RNF150: variants seen among roughly 807,000 people sequenced by gnomAD.
RNF150 encodes ring finger protein 150.
RNF150 carries 24 observed loss-of-function variants against 39.3 expected under a neutral mutation model. The ratio of observed to expected loss-of-function variants is 0.61; its 90% CI spans 0.44 to 0.86. The LOEUF is 0.86. Ranked by LOEUF, RNF150 falls within the 40% of genes least tolerant of loss-of-function variation. The probability of loss-of-function intolerance (pLI) is 0.00; values close to 1 mark genes in which losing one functional copy is unlikely to be tolerated. For missense variants in RNF150, 502 were observed against 587.8 expected, an observed-to-expected ratio of 0.85 and a Z score of 1.51; for synonymous variants, 255 against 227.3, an observed-to-expected ratio of 1.12 and a Z score of -1.10.
At chr4:141,090,155 G>A (rs961782103) in intron 1 of RNF150, among the ~76,000 whole-genome samples, 3 of 152,172 alleles carry the variant, frequency 2.0e-5, no homozygotes, top group African/African-American at 7.2e-5. Flanking sequence ...GCAGCCCCTA[G>A]AATGTGCCTT....
At chr4:141,067,586 G>A (rs1737511631) in intron 1 of RNF150, among the ~76,000 whole-genome samples, 1 of 152,114 alleles carries the variant, frequency 6.6e-6, no homozygotes, top group Admixed American at 6.6e-5. Flanking sequence ...AACATTTAGG[G>A]CATATCATCT....
intron 2 of RNF150, among the ~76,000 whole-genome samples, chr4:140,958,250 G>T (rs1732861338): frequency 6.6e-6 from 1 of 152,032 alleles, no homozygotes; most frequent in African/African-American, 2.4e-5. Flanking sequence ...TAGGAGGGGG[G>T]TGCTGGACCA....
intron 3 of RNF150, among the ~76,000 whole-genome samples, chr4:140,948,643 T>C (rs1732419651): frequency 6.6e-6 from 1 of 152,226 alleles, no homozygotes; most frequent in Admixed American, 6.5e-5. Context: ...CTTTCTACAT[T>C]GCCCAGGCTG....
chr4:141,014,274 C>T (rs1193134331), intron 1 of RNF150, among the ~76,000 whole-genome samples: 2 of 152,140 alleles, frequency 1.3e-5, no homozygotes, highest in Non-Finnish European at 2.9e-5. Context: ...CATATCTTGA[C>T]TATTTGTGAA....
intron 1 of RNF150, among the ~76,000 whole-genome samples, chr4:141,165,109 C>T (rs1163402168): frequency 6.6e-6 from 1 of 152,138 alleles, no homozygotes; most frequent in African/African-American, 2.4e-5. Context: ...TAATAGTTAC[C>T]AAGCAAACGG....
At chr4:140,951,726 A>G (rs543713321) in intron 2 of RNF150, among the ~76,000 whole-genome samples, 2 of 152,282 alleles carry the variant, frequency 1.3e-5, no homozygotes, top group South Asian at 4.1e-4. Context: ...CCCCGGGGCA[A>G]GGACTGAAAG....
intron 6 of RNF150, among the ~76,000 whole-genome samples, chr4:140,883,593 T>C (rs980171368): frequency 4.6e-5 from 7 of 152,164 alleles, no homozygotes; most frequent in Non-Finnish European, 8.8e-5. Context: ...GTACTTTAAA[T>C]ATATCATCTC....
intron 1 of RNF150, among the ~76,000 whole-genome samples, chr4:140,990,986 C>T (rs1734178226): frequency 6.6e-6 from 1 of 152,202 alleles, no homozygotes; most frequent in African/African-American, 2.4e-5. Context: ...TCTGCAACCT[C>T]ACCAGCATCT....
At chr4:141,084,919 G>T (rs1738301263) in intron 1 of RNF150, among the ~76,000 whole-genome samples, 1 of 152,126 alleles carries the variant, frequency 6.6e-6, no homozygotes, top group African/African-American at 2.4e-5. Flanking sequence ...GCAGAACTTT[G>T]TGACTTCCTT....
At chr4:141,008,620 T>C (rs1300709851) in intron 1 of RNF150, among the ~76,000 whole-genome samples, 1 of 152,226 alleles carries the variant, frequency 6.6e-6, no homozygotes, top group Non-Finnish European at 1.5e-5. Flanking sequence ...TTGTTCCACA[T>C]GAATATATAA....
At chr4:141,029,936 C>T (rs543400197) in intron 1 of RNF150, among the ~76,000 whole-genome samples, 3 of 152,232 alleles carry the variant, frequency 2.0e-5, no homozygotes, top group African/African-American at 7.2e-5. Flanking sequence ...GTGGCTCACG[C>T]CTGTAATCTC....
chr4:140,866,496 C>T lies in RNF150; in HGVS notation c.*1765G>A, dbSNP rs577070936. 71 of 152,276 alleles carry T rather than the reference C, an allele frequency of 4.7e-4. No individual in the cohort carries two copies. Among genetic ancestry groups the T allele is most frequent in the African/African-American group, 1.6e-3 (68 of 41,534 alleles). 9.4% of individuals were successfully genotyped at this position (152,276 alleles called of 1,614,324 possible). A position where few individuals can be genotyped will look rare whatever the true frequency, so the allele number is the denominator to read the frequency against. Reference sequence around the variant, plus strand: ...GCATTGGACTCCTAGGGAGATGCAACCTTTCTGAGGGTAATAATCATCTGC... The same window carrying T: ...GCATTGGACTCCTAGGGAGATGCAATCTTTCTGAGGGTAATAATCATCTGC... On this transcript the variant is annotated 3_prime_UTR_variant, in exon 7 of 7. Transcript: ENST00000515673.
chr4:141,129,611 T>C (rs1726841197), intron 1 of RNF150, among the ~76,000 whole-genome samples: 1 of 152,222 alleles, frequency 6.6e-6, no homozygotes, highest in South Asian at 2.1e-4. Context: ...CTGCAGAGTA[T>C]GTTTATATTT....
At chr4:141,062,878 T>C (rs751457381) in intron 1 of RNF150, among the ~76,000 whole-genome samples, 2 of 152,146 alleles carry the variant, frequency 1.3e-5, no homozygotes, top group African/African-American at 4.8e-5. Flanking sequence ...CCCATCCTCA[T>C]GGTCATGTGC....
chr4:141,142,423 C>T lies in RNF150; in HGVS notation c.-6+70371G>A, dbSNP rs1013780912. ...TCCCTGTTAACTGGAATAGTCCTGT[C>T]GGCACACAGACAGGCTCTAGTCTCA... On this transcript the variant is annotated intron_variant, in intron 1 of 7. Coordinates refer to the RNF150 transcript ENST00000420921. 2.0e-5 allele frequency among the ~76,000 whole-genome samples: 3 copies of T among 152,180 alleles called. No individual in the cohort carries two copies. The East Asian group carries it at 5.8e-4, about 29-fold the overall frequency.
At chr4:141,005,788 G>A (rs1295124882) in intron 1 of RNF150, among the ~76,000 whole-genome samples, 1 of 130,074 alleles carries the variant, frequency 7.7e-6, no homozygotes, top group Admixed American at 7.6e-5. Flanking sequence ...TTTTAAAAGG[G>A]CCGGGCGCGG....
chr4:141,013,458 C>T (rs776598108), intron 1 of RNF150, among the ~76,000 whole-genome samples: 2 of 152,022 alleles, frequency 1.3e-5, no homozygotes, highest in African/African-American at 2.4e-5. Flanking sequence ...AATAACTTGC[C>T]CAAGGTCACA....
Position 140,862,327 on chromosome 4 carries a change from A to C in RNF150, c.*5934T>G, listed in dbSNP as rs1560935570. ...TGGCTCTGTATTAAGTGCAAACGTCAGTGGTAGCACAGAATTAGAAGATCT... is the reference window on the plus strand; with the variant it reads ...TGGCTCTGTATTAAGTGCAAACGTCCGTGGTAGCACAGAATTAGAAGATCT... On this transcript the variant is annotated 3_prime_UTR_variant, in exon 7 of 7. Coordinates refer to ENST00000515673, the MANE Select transcript of RNF150 (RefSeq NM_020724.2). The C allele has an allele frequency of 6.6e-6, 1 of 152,224 alleles. No homozygotes were observed. The highest frequency in any genetic ancestry group is 1.5e-5 in the Non-Finnish European group (1 of 68,044). The allele number at this position is 152,224 out of a possible 1,614,324, so 9.4% of individuals were successfully genotyped here. A position where few individuals can be genotyped will look rare whatever the true frequency, so the allele number is the denominator to read the frequency against.
At chr4:141,027,000 G>A (rs1735722045) in intron 1 of RNF150, among the ~76,000 whole-genome samples, 1 of 152,156 alleles carries the variant, frequency 6.6e-6, no homozygotes, top group African/African-American at 2.4e-5. Context: ...GCTGCCACTC[G>A]CTAAACCAGA....
Sources: allele counts gnomAD v4.1 joint callset (sites outside exome capture counted in the v4.1 genomes callset), GRCh38; gene constraint gnomAD v4.1.1; transcripts MANE v1.5; gene names NCBI Gene and HGNC (gene_info 2026-07-23, HGNC 2026-07-21).